Variants in UNC79 observed in about 807,000 individuals in gnomAD.
UNC79 encodes unc-79 subunit of NALCN channel complex.
Under a neutral mutation model 283.1 loss-of-function variants are expected in UNC79, and 37 were observed. That is an observed-to-expected ratio of 0.13 (90% confidence interval 0.10 to 0.17). The LOEUF (loss-of-function observed/expected upper bound fraction) is 0.17. Among genes scored for constraint, UNC79 ranks in the 10% least tolerant of loss-of-function variants. The probability of loss-of-function intolerance (pLI) is 1.00; values close to 1 mark genes in which losing one functional copy is unlikely to be tolerated. For missense variants in UNC79, 2,272 were observed against 3,211.1 expected (o/e 0.71, Z 7.07); for synonymous variants, 1,107 against 1,200.2 (o/e 0.92, Z 1.61).
rs911083463 is a variant in UNC79, at chr14:93,617,537, G to T, written c.4224+233G>T. Among the ~76,000 whole-genome samples, 5 of 152,140 alleles carry T rather than the reference G, an allele frequency of 3.3e-5. No homozygotes were observed. The highest frequency in any genetic ancestry group is 7.3e-5 in the Non-Finnish European group (5 of 68,028). Reference sequence around the variant, plus strand: ...TGTTTAAAACAAAGAATGATAAATGGTAGGCTACTGATCAAGAACCTCTGT... The same window carrying T: ...TGTTTAAAACAAAGAATGATAAATGTTAGGCTACTGATCAAGAACCTCTGT... On this transcript the variant is annotated intron_variant, in intron 28 of 48. Coordinates refer to ENST00000555664, the Ensembl canonical transcript of UNC79. The surrounding 1 kb of genome is among the most constrained non-coding windows in gnomAD (Gnocchi z 4.5).
At chr14:93,570,755 T>C (rs2063164815) in intron 14 of UNC79, among the ~76,000 whole-genome samples, 1 of 152,216 alleles carries the variant, frequency 6.6e-6, no homozygotes, top group Admixed American at 6.5e-5. Flanking sequence ...CTTTTAAATA[T>C]GAAAGCTCTT....
chr14:93,660,520 CAT>C (rs57703735), intron 39 of UNC79, among the ~76,000 whole-genome samples: 5,186 of 47,952 alleles, frequency 0.11, 177 homozygotes, highest in Non-Finnish European at 0.14. Flanking sequence ...AAGACAATAG[CAT>C]ATATATATAT....
At chr14:93,344,642 G>C (rs549399290) in intron 1 of UNC79, among the ~76,000 whole-genome samples, 2 of 152,324 alleles carry the variant, frequency 1.3e-5, no homozygotes, top group East Asian at 3.9e-4. Context: ...CAATATTTGA[G>C]TCAAGTAGTG....
At chr14:93,485,309 T>A (rs897601207) in intron 4 of UNC79, among the ~76,000 whole-genome samples, 1 of 151,716 alleles carries the variant, frequency 6.6e-6, no homozygotes, top group Admixed American at 6.6e-5. Context: ...TTCTTTTTTT[T>A]AACAAAGGGC....
chr14:93,379,119 T>C (rs1363299930), intron 1 of UNC79, among the ~76,000 whole-genome samples: 1 of 152,164 alleles, frequency 6.6e-6, no homozygotes, highest in African/African-American at 2.4e-5. Flanking sequence ...TGATCTCTGC[T>C]TTAAATCTGC....
intron 26 of UNC79, among the ~76,000 whole-genome samples, chr14:93,612,288 T>G (rs368500035): frequency 6.6e-6 from 1 of 152,248 alleles, no homozygotes; most frequent in East Asian, 1.9e-4. Context: ...GGAAAAGATT[T>G]GTTTTTTGCA....
chr14:93,506,537 G>T lies in UNC79; in HGVS notation c.898+9251G>T, dbSNP rs776342558. On this transcript the variant is annotated intron_variant, in intron 7 of 48. Transcript: ENST00000555664. ...AAAAAATTGACTATCAAAGTCAATTGCCAATTATTACTCTTTTGAAGATAA... is the reference window on the plus strand; with the variant it reads ...AAAAAATTGACTATCAAAGTCAATTTCCAATTATTACTCTTTTGAAGATAA... Among the ~76,000 whole-genome samples, 14 of 152,124 alleles carry T rather than the reference G, an allele frequency of 9.2e-5. No homozygotes were observed. The South Asian group carries it at 2.3e-3, about 25-fold the overall frequency.
At chr14:93,553,037 T>G (rs923793014) in intron 14 of UNC79, among the ~76,000 whole-genome samples, 3 of 152,214 alleles carry the variant, frequency 2.0e-5, no homozygotes, top group African/African-American at 7.2e-5. Flanking sequence ...AAAGCCTTGA[T>G]AAAATAACCA....
At position 93,339,621 on chromosome 14, in the gene UNC79, C is replaced by T. The variant is rs551183317; in HGVS notation, c.-351+6098C>T. On this transcript the variant is annotated intron_variant, in intron 1 of 49. Transcript: ENST00000256339. ...GCCTAGATGGCCATTTTAACAGATA[C>T]TGTCTTTCTGTTACTCGTGGTCAGC... Among the ~76,000 whole-genome samples, 15 of 152,294 alleles carry T rather than the reference C, an allele frequency of 9.8e-5. No individual in the cohort carries two copies. The East Asian group carries it at 2.9e-3, about 29-fold the overall frequency.
chr14:93,594,578 A>T (rs900443320), intron 23 of UNC79, among the ~76,000 whole-genome samples: 1 of 152,120 alleles, frequency 6.6e-6, no homozygotes, highest in Non-Finnish European at 1.5e-5. Context: ...GCAGAAACTG[A>T]GATTTTTAAT....
chr14:93,696,608 T>C (rs1230413095), intron 47 of UNC79, among the ~76,000 whole-genome samples: 1 of 152,216 alleles, frequency 6.6e-6, no homozygotes, highest in Non-Finnish European at 1.5e-5. Context: ...TTGCTGTCCA[T>C]ATGTCTGCTT....
chr14:93,679,814 G>A (rs766928932), intron 41 of UNC79, among the ~76,000 whole-genome samples: 1 of 152,154 alleles, frequency 6.6e-6, no homozygotes, highest in African/African-American at 2.4e-5. Flanking sequence ...TTCAGTGCCC[G>A]ATTTCCCTCA....
intron 1 of UNC79, among the ~76,000 whole-genome samples, chr14:93,404,519 T>TATATATATATATAC: frequency 7.8e-6 from 1 of 128,356 alleles, no homozygotes; most frequent in Non-Finnish European, 1.6e-5. Flanking sequence ...TATATAAATA[T>TATATATATATATAC]ATACATATTA....
chr14:93,694,220 C>A, intron 46 of UNC79, 115 bp from the exon 50 acceptor site: 1 of 830,242 alleles, frequency 1.2e-6, no homozygotes, highest in Non-Finnish European at 1.9e-6. Context: ...CTCCTACGGT[C>A]ATTACACAGA....
intron 14 of UNC79, among the ~76,000 whole-genome samples, chr14:93,543,781 T>C (rs2061482359): frequency 6.6e-6 from 1 of 152,196 alleles, no homozygotes; most frequent in Non-Finnish European, 1.5e-5. Context: ...CTAAGTGTTA[T>C]TTTTATTTGT....
At chr14:93,553,192 A>T (rs1192962660) in intron 14 of UNC79, among the ~76,000 whole-genome samples, 1 of 152,202 alleles carries the variant, frequency 6.6e-6, no homozygotes, top group African/African-American at 2.4e-5. Context: ...CATGCTCAAA[A>T]TTTTGCTTAT....
At chr14:93,452,090 T>G (rs1249675689) in intron 1 of UNC79, among the ~76,000 whole-genome samples, 1 of 152,230 alleles carries the variant, frequency 6.6e-6, no homozygotes, top group African/African-American at 2.4e-5. Flanking sequence ...CATGTCTTAC[T>G]TAAATATTAT....
intron 31 of UNC79, among the ~76,000 whole-genome samples, chr14:93,631,974 AT>A (rs1415263214): frequency 1.3e-5 from 2 of 152,342 alleles, no homozygotes; most frequent in African/African-American, 4.8e-5. Context: ...GCTCACACAC[AT>A]TGTTATCTGA....
rs57584416 is a variant in UNC79, at chr14:93,448,171, C to CTT, written c.22+17136_22+17137dup. On this transcript the variant is annotated intron_variant, in intron 1 of 48. Coordinates refer to ENST00000555664, the Ensembl canonical transcript of UNC79. The stretch of plus-strand genomic sequence containing the variant: ...CCTAACCCACCTCTGAGACTCGGTT[C>CTT]TTTTTTTTTTTTTTTTTAAATCGTT... Among the ~76,000 whole-genome samples the CTT allele has an allele frequency of 3.1e-3, 406 of 131,124 alleles. 3 individuals are homozygous for CTT. Among genetic ancestry groups the CTT allele is most frequent in the African/African-American group, 0.011 (376 of 35,756 alleles). The allele number at this position is 131,124 out of a possible 152,430, so 86.0% of individuals were successfully genotyped here.
Sources: allele counts gnomAD v4.1 joint callset (sites outside exome capture counted in the v4.1 genomes callset), GRCh38; gene constraint gnomAD v4.1.1; non-coding constraint Gnocchi (gnomAD v3.1); transcripts MANE v1.5; gene names NCBI Gene and HGNC (gene_info 2026-07-23, HGNC 2026-07-21).